NSD2: variants seen among roughly 807,000 people sequenced by gnomAD.
NSD2 encodes the protein histone-lysine N-methyltransferase NSD2.
A neutral mutation model predicts 139.0 loss-of-function variants in NSD2; 12 were observed. That is an observed-to-expected ratio of 0.09 (90% CI 0.06 to 0.14). NSD2 has a LOEUF of 0.14. NSD2 is among the 10% of genes least tolerant of loss of function. NSD2 has a pLI of 1.00. For synonymous variants in NSD2, 669 were observed against 648.7 expected, an observed-to-expected ratio of 1.03 and a Z score of -0.48; for missense variants, 1,155 against 1,745.0, an observed-to-expected ratio of 0.66 and a Z score of 6.02.
At position 1,955,117 on chromosome 4, in the gene NSD2, GA is replaced by G; in HGVS notation, c.2339-43del. On this transcript the variant is annotated intron_variant, in intron 12 of 21. Coordinates refer to ENST00000508803, the MANE Select transcript of NSD2 (RefSeq NM_001042424.3). The surrounding 1 kb of genome is among the most constrained non-coding windows in gnomAD (Gnocchi z 4.7). The stretch of plus-strand genomic sequence containing the variant: ...TTAGTTGCTCTTTTCACTATGACTG[GA>G]GTCAGTGTTTGGGGTCCTTAGGGTG... 6.4e-7 allele frequency: 1 copy of G among 1,556,824 alleles called. No homozygotes were observed. Among genetic ancestry groups the G allele is most frequent in the Non-Finnish European group, 8.8e-7 (1 of 1,138,444 alleles).
intron 8 of NSD2, 199 bp from the exon 9 acceptor site, chr4:1,939,455 G>A (rs1722847295): frequency 6.5e-6 from 4 of 619,924 alleles, no homozygotes; most frequent in South Asian, 2.1e-5. Context: ...GCCAAGTAGC[G>A]AGGACATGGG....
chr4:1,953,319 G>A lies in NSD2; in HGVS notation c.2138-5G>A, dbSNP rs962046298. 1 of 1,614,208 alleles carries A rather than the reference G, an allele frequency of 6.2e-7. No homozygotes were observed. The highest frequency in any genetic ancestry group is 8.5e-7 in the Non-Finnish European group (1 of 1,180,026). On this transcript the variant is annotated splice_polypyrimidine_tract_variant and splice_region_variant and intron_variant, in intron 11 of 21. Coordinates refer to ENST00000508803, the MANE Select transcript of NSD2 (RefSeq NM_001042424.3). Reference sequence around the variant, plus strand: ...CTCTCCACCCCTTCTTTAACTTTTTGTTAGGGATTCACTCATGTTTCGTGT... The same window carrying A: ...CTCTCCACCCCTTCTTTAACTTTTTATTAGGGATTCACTCATGTTTCGTGT...
intron 3 of NSD2, among the ~76,000 whole-genome samples, chr4:1,911,840 T>A (rs1395454574): frequency 1.3e-5 from 2 of 152,194 alleles, no homozygotes; most frequent in Non-Finnish European, 2.9e-5. Flanking sequence ...ACTCATTTAT[T>A]TTACAAACTT....
At chr4:1,900,536 C>A in intron 1 of NSD2, 90 bp from the exon 2 acceptor site, 2 of 757,856 alleles carry the variant, frequency 2.6e-6, no homozygotes, top group Non-Finnish European at 2.0e-6. Context: ...AAAATCAGAC[C>A]CCACAAAGCT....
chr4:1,972,236 A>G lies in NSD2; in HGVS notation c.3373-2627A>G, dbSNP rs557365637. On this transcript the variant is annotated intron_variant, in intron 18 of 21. Transcript: ENST00000508803. This position sits in a 1 kb window ranked among gnomAD's most constrained non-coding sequence, Gnocchi z 4.0. ...TATTGAATGGAGCAGGCTTCTGTGG[A>G]AAGTTCGGCAGTGTCACTGACGGAC... is the stretch of plus-strand genomic sequence containing the variant. Among the ~76,000 whole-genome samples, 70 of 152,296 alleles carry G rather than the reference A, an allele frequency of 4.6e-4. No homozygotes were observed. Among genetic ancestry groups the G allele is most frequent in the African/African-American group, 1.6e-3 (67 of 41,566 alleles).
intron 1 of NSD2, among the ~76,000 whole-genome samples, chr4:1,897,982 G>C (rs765460349): frequency 2.0e-5 from 3 of 152,130 alleles, no homozygotes; most frequent in Non-Finnish European, 4.4e-5. Flanking sequence ...AACTTTTGGA[G>C]GACCACTGTT....
intron 18 of NSD2, among the ~76,000 whole-genome samples, chr4:1,971,032 A>G (rs1432824441): frequency 1.1e-4 from 17 of 152,268 alleles, no homozygotes; most frequent in Non-Finnish European, 1.5e-5. Context: ...TGCAGCATGC[A>G]AGGAACAAAG....
intron 7 of NSD2, 46 bp from the exon 8 acceptor site, chr4:1,938,405 T>TTTTTTTTTTTG: frequency 8.1e-7 from 1 of 1,232,316 alleles, no homozygotes; most frequent in South Asian, 1.8e-5. Flanking sequence ...TCTTTTCTTT[T>TTTTTTTTTTTG]TTTTTTCTTT....
At position 1,973,989 on chromosome 4, in the gene NSD2, C is replaced by T. The variant is rs1726786281; in HGVS notation, c.3373-874C>T. On this transcript the variant is annotated intron_variant, in intron 18 of 21. Coordinates refer to ENST00000508803, the MANE Select transcript of NSD2 (RefSeq NM_001042424.3). This position sits in a 1 kb window ranked among gnomAD's most constrained non-coding sequence, Gnocchi z 5.5. Reference sequence around the variant, plus strand: ...ATTTGAGTGGGTCAGTTCTAGGCCACATCGTGCTTGCATTTGTGATTCCCG... The same window carrying T: ...ATTTGAGTGGGTCAGTTCTAGGCCATATCGTGCTTGCATTTGTGATTCCCG... 6.6e-6 allele frequency among the ~76,000 whole-genome samples: 1 copy of T among 152,156 alleles called. No homozygotes were observed. The highest frequency in any genetic ancestry group is 2.4e-5 in the African/African-American group (1 of 41,436).
chr4:1,911,587 CAAAAAAAAAAAAAA>C lies in NSD2; in HGVS notation c.761-5277_761-5264del, dbSNP rs372660600. On this transcript the variant is annotated intron_variant, in intron 3 of 21. Transcript: ENST00000508803. ...TGGGCGACAGAGCGAGACGCCATCT[CAAAAAAAAAAAAAA>C]AAAAAAGAAAAAAAAAAAGAAAGAA... Among the ~76,000 whole-genome samples, 176 of 42,100 alleles carry C rather than the reference CAAAAAAAAAAAAAA, an allele frequency of 4.2e-3. 1 individual carries two copies. Among genetic ancestry groups the C allele is most frequent in the African/African-American group, 0.013 (169 of 12,560 alleles). 27.6% of individuals were successfully genotyped at this position (42,100 alleles called of 152,430 possible). A position where few individuals can be genotyped will look rare whatever the true frequency, so the allele number is the denominator to read the frequency against.
intron 2 of NSD2, among the ~76,000 whole-genome samples, chr4:1,903,198 A>G (rs537337698): frequency 1.3e-5 from 2 of 152,154 alleles, no homozygotes; most frequent in Non-Finnish European, 2.9e-5. Flanking sequence ...CTGAGGCCTG[A>G]GGCAGTGGAA....
chr4:1,952,368 C>A, intron 11 of NSD2, 137 bp downstream of exon 11: 2 of 1,334,850 alleles, frequency 1.5e-6, no homozygotes, highest in Non-Finnish European at 2.0e-6. Context: ...CTCTCTGGAG[C>A]TTGTAGCCCA....
At chr4:1,874,083 T>C (rs1394747000) in intron 1 of NSD2, among the ~76,000 whole-genome samples, 1 of 152,240 alleles carries the variant, frequency 6.6e-6, no homozygotes, top group Non-Finnish European at 1.5e-5. Context: ...AAGTAAATAA[T>C]TAATCAGCAG....
intron 1 of NSD2, among the ~76,000 whole-genome samples, chr4:1,881,808 A>G (rs953375582): frequency 6.6e-6 from 1 of 152,204 alleles, no homozygotes; most frequent in Non-Finnish European, 1.5e-5. Context: ...ATACCTGACA[A>G]GGCTTTGGGA....
chr4:1,941,193 G>A (rs777307335), intron 9 of NSD2: 5 of 1,053,348 alleles, frequency 4.7e-6, no homozygotes, highest in South Asian at 9.2e-5. Context: ...TAAATGAAAG[G>A]TCATTTACAG....
chr4:1,952,811 G>A (rs1253000633), intron 11 of NSD2: 2 of 1,192,292 alleles, frequency 1.7e-6, no homozygotes, highest in African/African-American at 1.5e-5. Flanking sequence ...GCACAGCCGT[G>A]GCCCTTCCTG....
rs1727495578 is a variant in NSD2, at chr4:1,979,213, A to G, written c.*304A>G. ...AGGTTCCCTCCCACTCTATTTTTTT[A>G]GGTTAAAGTTAATTGGCATATGGAA... On this transcript the variant is annotated 3_prime_UTR_variant, in exon 22 of 22. Coordinates refer to ENST00000508803, the MANE Select transcript of NSD2 (RefSeq NM_001042424.3). 8.9e-6 allele frequency: 3 copies of G among 335,216 alleles called. No homozygotes were observed. Among genetic ancestry groups the G allele is most frequent in the African/African-American group, 2.1e-5 (1 of 47,728 alleles). The allele number at this position is 335,216 out of a possible 1,614,324, so 20.8% of individuals were successfully genotyped here.
At position 1,979,021 on chromosome 4, in the gene NSD2, A is replaced by G. The variant is rs1727463471; in HGVS notation, c.*112A>G. The G allele has an allele frequency of 2.2e-6, 3 of 1,343,352 alleles. No individual in the cohort carries two copies. The South Asian group carries it at 4.9e-5, about 22-fold the overall frequency. 83.2% of individuals were successfully genotyped at this position (1,343,352 alleles called of 1,614,324 possible). A position where few individuals can be genotyped will look rare whatever the true frequency, so the allele number is the denominator to read the frequency against. On this transcript the variant is annotated 3_prime_UTR_variant, in exon 22 of 22. Transcript: ENST00000508803. ...AGGACCCAGCTCGAGCCGCCAGGAC[A>G]CAGACGTACAGGCCTCCTCGGGAGG...
intron 18 of NSD2, 115 bp downstream of exon 18, chr4:1,961,266 C>A: frequency 2.5e-6 from 2 of 801,776 alleles, no homozygotes; most frequent in Non-Finnish European, 3.9e-6. Context: ...TCCTTAGCTG[C>A]TTATTTTCAA....
Sources: allele counts gnomAD v4.1 joint callset (sites outside exome capture counted in the v4.1 genomes callset), GRCh38; gene constraint gnomAD v4.1.1; non-coding constraint Gnocchi (gnomAD v3.1); transcripts MANE v1.5; gene names NCBI Gene and HGNC (gene_info 2026-07-23, HGNC 2026-07-21).